MYO5C: variants seen among roughly 807,000 people sequenced by gnomAD.
MYO5C encodes myosin VC, also known as unconventional myosin-Vc.
In MYO5C, 194 loss-of-function variants were observed where a neutral mutation model predicts 235.7. The observed-to-expected ratio is 0.82, with a 90% CI of 0.73 to 0.93. The LOEUF is 0.93. Ranked by LOEUF, MYO5C falls within the 40% of genes least tolerant of loss-of-function variation. MYO5C has a pLI of 0.00. For synonymous variants in MYO5C, 707 were observed against 754.8 expected, an observed-to-expected ratio of 0.94 and a Z score of 1.04; for missense variants, 2,038 against 2,127.2, an observed-to-expected ratio of 0.96 and a Z score of 0.82.
intron 8 of MYO5C, among the ~76,000 whole-genome samples, chr15:52,266,936 T>C (rs958365767): frequency 5.3e-5 from 8 of 152,168 alleles, no homozygotes; most frequent in African/African-American, 1.9e-4. Flanking sequence ...TCACCATTAA[T>C]GCCTTGAGAG....
Position 52,239,750 on chromosome 15 carries a change from T to G in MYO5C, c.2686A>C (p.Lys896Gln). ...QLTYRVQRLQ[K>Q]KLEDQNKENH... The stretch of plus-strand genomic sequence containing the variant: ...GCACCTACCTGATCTTCCAACTTTT[T>G]CTGCAAACGCTGGACCCTGTAAGTA... Residue 896 changes from lysine (K) to glutamine (Q), a missense_variant, in exon 21 of 41, where the codon AAA (lysine) becomes CAA (glutamine). Coordinates refer to ENST00000261839, the MANE Select transcript of MYO5C (RefSeq NM_018728.4). 1 of 1,598,682 alleles carries G rather than the reference T, an allele frequency of 6.3e-7. No homozygotes were observed. The highest frequency in any genetic ancestry group is 1.1e-5 in the South Asian group (1 of 88,238).
chr15:52,269,219 C>A (rs2036869506), intron 8 of MYO5C, among the ~76,000 whole-genome samples: 1 of 152,174 alleles, frequency 6.6e-6, no homozygotes, highest in East Asian at 1.9e-4. Flanking sequence ...CCTCTCACAG[C>A]CGAGCCAGGA....
At chr15:52,209,676 C>T (rs1214633727) in intron 35 of MYO5C, among the ~76,000 whole-genome samples, 1 of 152,124 alleles carries the variant, frequency 6.6e-6, no homozygotes, top group Non-Finnish European at 1.5e-5. Flanking sequence ...ACTGTGTGTC[C>T]TGGGCTGGAA....
At chr15:52,244,719 AT>A in intron 18 of MYO5C, 152 bp from the exon 19 acceptor site, 1 of 616,236 alleles carries the variant, frequency 1.6e-6, no homozygotes, top group South Asian at 2.1e-5. Context: ...CTAGAAATGT[AT>A]ACTTTGAGTT....
Position 52,196,420 on chromosome 15 carries a change from C to T in MYO5C, c.4884G>A (p.Lys1628=). ...CCTGAGAGAGGGGCTCCAAAGTTTCCTTTGCTAAGCTGTTCTGCAAGTTCT... is the reference window on the plus strand; with the variant it reads ...CCTGAGAGAGGGGCTCCAAAGTTTCTTTTGCTAAGCTGTTCTGCAAGTTCT... ...KDKNLQNSLA[K]ETLEPLSQAA... is the part of the protein sequence containing the mutation. The change falls in exon 39 of 41, where the codon AAG becomes AAA. Residue 1628 remains lysine, a synonymous_variant. Coordinates refer to ENST00000261839, the MANE Select transcript of MYO5C (RefSeq NM_018728.4). 1.2e-6 allele frequency: 2 copies of T among 1,614,212 alleles called. No homozygotes were observed. The highest frequency in any genetic ancestry group is 8.5e-7 in the Non-Finnish European group (1 of 1,180,034).
chr15:52,259,989 C>A (rs948016505), intron 10 of MYO5C, among the ~76,000 whole-genome samples: 1 of 152,220 alleles, frequency 6.6e-6, no homozygotes, highest in African/African-American at 2.4e-5. Flanking sequence ...GGATGCCTTT[C>A]ATGGGTCAAT....
chr15:52,243,818 G>A lies in MYO5C; in HGVS notation c.2390+538C>T, dbSNP rs536830493. Among the ~76,000 whole-genome samples the A allele has an allele frequency of 3.6e-3, 555 of 152,328 alleles. 1 individual carries two copies. Among genetic ancestry groups the A allele is most frequent in the Non-Finnish European group, 5.2e-3 (354 of 68,026 alleles). ...ACCCCTCGAGGCAGGTAGGATCAGC[G>A]CAGCTGGTGGACCACCCTCCCCTCA... On this transcript the variant is annotated intron_variant, in intron 19 of 40. Coordinates refer to ENST00000261839, the MANE Select transcript of MYO5C (RefSeq NM_018728.4).
intron 18 of MYO5C, among the ~76,000 whole-genome samples, chr15:52,244,815 T>C (rs1363617261): frequency 6.6e-6 from 1 of 152,184 alleles, no homozygotes; most frequent in Admixed American, 6.5e-5. Flanking sequence ...GAGTGTCATT[T>C]GCGGCGATTC....
intron 8 of MYO5C, 140 bp downstream of exon 8, chr15:52,269,613 A>G (rs1388743261): frequency 6.7e-6 from 4 of 594,198 alleles, no homozygotes; most frequent in Admixed American, 5.7e-5. Flanking sequence ...GAATGGTCTC[A>G]ATCTCCTGAC....
chr15:52,229,595 A>G (rs1319353963), intron 24 of MYO5C, among the ~76,000 whole-genome samples: 5 of 152,164 alleles, frequency 3.3e-5, no homozygotes, highest in Non-Finnish European at 5.9e-5. Context: ...CTGCACTTCA[A>G]TCTGGGTGAC....
At chr15:52,287,530 T>C (rs2037301442) in intron 1 of MYO5C, among the ~76,000 whole-genome samples, 1 of 152,228 alleles carries the variant, frequency 6.6e-6, no homozygotes, top group South Asian at 2.1e-4. Flanking sequence ...ATGTTAATCT[T>C]TAAAGGCAAA....
At chr15:52,204,745 A>T in intron 38 of MYO5C, 120 bp downstream of exon 38, 3 of 1,193,376 alleles carry the variant, frequency 2.5e-6, no homozygotes, top group Non-Finnish European at 1.2e-6. Flanking sequence ...TCCCTACAGC[A>T]GTAGGGCCTA....
chr15:52,247,385 C>G, intron 15 of MYO5C, 73 bp downstream of exon 15: 1 of 1,533,884 alleles, frequency 6.5e-7, no homozygotes, highest in Non-Finnish European at 8.8e-7. Context: ...GAATGCGGGT[C>G]CTCTGAGTGC....
intron 31 of MYO5C, 49 bp downstream of exon 31, chr15:52,219,710 A>G: frequency 6.9e-7 from 1 of 1,441,456 alleles, no homozygotes; most frequent in South Asian, 1.2e-5. Context: ...CAGTTTCAGA[A>G]AAGCATTACA....
intron 4 of MYO5C, chr15:52,277,342 C>T: frequency 2.1e-6 from 1 of 480,576 alleles, no homozygotes; most frequent in Non-Finnish European, 4.1e-6. Flanking sequence ...TCATCCCACC[C>T]ATACCCAGTC....
Position 52,245,475 on chromosome 15 carries a change from CA to C in MYO5C, c.2067-11del. ...CTCGATGTATGTCCACCTGGAAAAT[CA>C]AAGGGGATCAAAGCCAGGAGTGTCA... On this transcript the variant is annotated splice_polypyrimidine_tract_variant and intron_variant, in intron 17 of 40. Coordinates refer to ENST00000261839, the MANE Select transcript of MYO5C (RefSeq NM_018728.4). 1 of 1,578,156 alleles carries C rather than the reference CA, an allele frequency of 6.3e-7. No homozygotes were observed. Among genetic ancestry groups the C allele is most frequent in the Non-Finnish European group, 8.7e-7 (1 of 1,147,400 alleles).
Position 52,237,594 on chromosome 15 carries a change from C to G in MYO5C, c.2756G>C (p.Arg919Pro). Reference sequence around the variant, plus strand: ...CTGAATCTTTTCCACATCCCCAGCTCGAAGAGCAGCCAGGCTAGTCAGCTT... The same window carrying G: ...CTGAATCTTTTCCACATCCCCAGCTGGAAGAGCAGCCAGGCTAGTCAGCTT... ...VEKLTSLAAL[R>P]AGDVEKIQKL... Residue 919 changes from arginine to proline, a missense_variant, in exon 22 of 41, where the codon CGA becomes CCA. Coordinates refer to ENST00000261839, the MANE Select transcript of MYO5C (RefSeq NM_018728.4). 1.2e-6 allele frequency: 2 copies of G among 1,614,006 alleles called. No homozygotes were observed. The highest frequency in any genetic ancestry group is 1.1e-5 in the South Asian group (1 of 91,066).
At chr15:52,214,557 G>A (rs2035512849) in intron 33 of MYO5C, 46 bp downstream of exon 33, 1 of 1,355,014 alleles carries the variant, frequency 7.4e-7, no homozygotes, top group Non-Finnish European at 1.0e-6. Context: ...TTGAGCGCAT[G>A]TTAGCCTTAG....
intron 24 of MYO5C, among the ~76,000 whole-genome samples, chr15:52,231,173 G>A (rs546992327): frequency 6.6e-5 from 10 of 152,146 alleles, no homozygotes; most frequent in Non-Finnish European, 1.2e-4. Flanking sequence ...GCCTGAGCTG[G>A]TCAGGAGGGT....
Sources: gnomAD v4.1 joint callset for allele counts (sites outside exome capture counted in the v4.1 genomes callset) on GRCh38, gnomAD v4.1.1 for gene constraint, MANE v1.5 for transcripts, NCBI Gene and HGNC (gene_info 2026-07-23, HGNC 2026-07-21) for gene names.